The following RSBN1L variants were observed in gnomAD, a reference collection of about 807,000 sequenced individuals.
The protein encoded by RSBN1L is lysine-specific demethylase RSBN1L.
In RSBN1L, 30 loss-of-function variants were observed where a neutral mutation model predicts 67.7. The observed-to-expected ratio is 0.44, with a 90% CI of 0.33 to 0.60. The LOEUF is 0.60. Among genes scored for constraint, RSBN1L ranks in the 20% least tolerant of loss-of-function variants. RSBN1L has a pLI of 0.02. For missense variants in RSBN1L, 992 were observed against 1,031.7 expected, an observed-to-expected ratio of 0.96 and a Z score of 0.53; for synonymous variants, 433 against 387.0, an observed-to-expected ratio of 1.12 and a Z score of -1.39.
At chr7:77,720,474 G>A (rs552890768) in intron 1 of RSBN1L, among the ~76,000 whole-genome samples, 1 of 152,068 alleles carries the variant, frequency 6.6e-6, no homozygotes, top group African/African-American at 2.4e-5. Context: ...GCAGAGAATC[G>A]CTTGAACCCG....
intron 4 of RSBN1L, among the ~76,000 whole-genome samples, chr7:77,767,405 G>A (rs114278888): frequency 0.019 from 2,912 of 151,352 alleles, 80 homozygotes; most frequent in African/African-American, 0.066. Context: ...ATGGAGTCTC[G>A]CTGTGTCATC....
In RSBN1L at chr7:77,696,970, G is replaced by A. The variant is rs1305897195; in HGVS notation, c.501G>A (p.Glu167=). ...SRRPKEKREK[E]RRRHGLGGAR... ...GACCTAAGGAGAAGCGGGAGAAGGA[G>A]AGGAGGAGGCACGGTCTCGGTGGGG... The change falls in exon 1 of 8, where the codon GAG becomes GAA. Residue 167 remains glutamate (E), a synonymous_variant. Transcript: ENST00000334955. 1.9e-6 allele frequency: 3 copies of A among 1,567,318 alleles called. No homozygotes were observed. The highest frequency in any genetic ancestry group is 2.6e-6 in the Non-Finnish European group (3 of 1,164,800).
chr7:77,767,861 T>C (rs1174938543), intron 4 of RSBN1L, among the ~76,000 whole-genome samples: 1 of 86,926 alleles, frequency 1.2e-5, no homozygotes, highest in Middle Eastern at 5.1e-3. Flanking sequence ...CCCCTCCCTC[T>C]CCTTTCATTC....
At chr7:77,713,495 T>C (rs999773655) in intron 1 of RSBN1L, among the ~76,000 whole-genome samples, 1 of 151,916 alleles carries the variant, frequency 6.6e-6, no homozygotes, top group South Asian at 2.1e-4. Flanking sequence ...TAGCTGGGAC[T>C]ACAGGCGCCC....
chr7:77,758,551 C>T (rs1429718063), intron 3 of RSBN1L, among the ~76,000 whole-genome samples: 2 of 152,064 alleles, frequency 1.3e-5, no homozygotes, highest in African/African-American at 4.8e-5. Flanking sequence ...CTATAGTCAC[C>T]CTGTTGTGCA....
In RSBN1L at chr7:77,696,572, G is replaced by A. The variant is rs369849729; in HGVS notation, c.103G>A (p.Asp35Asn). ...PFGKLQLSSR[D>N]PPGSLSAKKV... Reference sequence around the variant, plus strand: ...TGGCAAGCTGCAACTCTCCTCCCGGGACCCTCCGGGTTCTCTGTCCGCCAA... The same window carrying A: ...TGGCAAGCTGCAACTCTCCTCCCGGAACCCTCCGGGTTCTCTGTCCGCCAA... The change falls in exon 1 of 8, where the codon GAC becomes AAC. Residue 35 changes from aspartate to asparagine, a missense_variant. Coordinates refer to ENST00000334955, the MANE Select transcript of RSBN1L (RefSeq NM_198467.3). 3 of 1,614,024 alleles carry A rather than the reference G, an allele frequency of 1.9e-6. No individual in the cohort carries two copies. Among genetic ancestry groups the A allele is most frequent in the Non-Finnish European group, 2.5e-6 (3 of 1,180,024 alleles).
intron 1 of RSBN1L, among the ~76,000 whole-genome samples, chr7:77,723,038 G>C (rs189402455): frequency 5.2e-4 from 78 of 150,554 alleles, no homozygotes; most frequent in Non-Finnish European, 8.6e-4. Context: ...TGCAATCTCG[G>C]CTCACCACAA....
chr7:77,751,692 T>C (rs1252217291), intron 3 of RSBN1L, among the ~76,000 whole-genome samples: 1 of 152,246 alleles, frequency 6.6e-6, no homozygotes, highest in Non-Finnish European at 1.5e-5. Flanking sequence ...CTAGTTGTTC[T>C]GAGTATTTTA....
At chr7:77,709,152 T>TTGTGTGTG (rs67322019) in intron 1 of RSBN1L, among the ~76,000 whole-genome samples, 39 of 142,460 alleles carry the variant, frequency 2.7e-4, no homozygotes, top group African/African-American at 8.7e-4. Flanking sequence ...GGGATTCTGT[T>TTGTGTGTG]TGTGTGTGTG....
At chr7:77,764,012 CAT>C (rs1051843719) in intron 3 of RSBN1L, among the ~76,000 whole-genome samples, 21 of 152,270 alleles carry the variant, frequency 1.4e-4, no homozygotes, top group South Asian at 6.2e-4. Context: ...TGTATGAAAA[CAT>C]GTGGGTTGGG....
At position 77,696,670 on chromosome 7, in the gene RSBN1L, G is replaced by A. The variant is rs1196957244; in HGVS notation, c.201G>A (p.Arg67=). 3 of 1,611,214 alleles carry A rather than the reference G, an allele frequency of 1.9e-6. No individual in the cohort carries two copies. Among genetic ancestry groups the A allele is most frequent in the Non-Finnish European group, 2.5e-6 (3 of 1,179,080 alleles). ...NGEGGSGGNS[R]QLQPPAAPSP... ...AAGGGGGCAGCGGCGGGAACAGCAG[G>A]CAGCTGCAGCCGCCGGCAGCACCTT... Residue 67 remains arginine (R), a synonymous_variant, in exon 1 of 8, where the codon AGG becomes AGA. Transcript: ENST00000334955.
intron 1 of RSBN1L, among the ~76,000 whole-genome samples, chr7:77,722,761 T>TC (rs2150416572): frequency 6.6e-6 from 1 of 151,964 alleles, no homozygotes; most frequent in African/African-American, 2.4e-5. Context: ...AGGAATAATG[T>TC]AAGAGAGGGA....
In RSBN1L at chr7:77,749,775, A is replaced by C; in HGVS notation, c.1055A>C (p.Glu352Ala). The change falls in exon 3 of 8, where the codon GAG (glutamate) becomes GCG (alanine). Residue 352 changes from glutamate to alanine, a missense_variant. Glu to Ala is a moderately radical substitution (Grantham distance 107, BLOSUM62 -1). Coordinates refer to ENST00000334955, the MANE Select transcript of RSBN1L (RefSeq NM_198467.3). ...TLEFKQLIHI[E>A]HQPNGGASVI... Reference sequence around the variant, plus strand: ...GAATTTAAACAACTCATTCATATAGAGCACCAGCCTAATGGAGGTGCATCG... The same window carrying C: ...GAATTTAAACAACTCATTCATATAGCGCACCAGCCTAATGGAGGTGCATCG... 6.2e-7 allele frequency: 1 copy of C among 1,614,202 alleles called. No individual in the cohort carries two copies. Among genetic ancestry groups the C allele is most frequent in the Non-Finnish European group, 8.5e-7 (1 of 1,180,030 alleles).
rs1554338354 is a variant in RSBN1L at position 77,725,243 on chromosome 7, A to AATTTTTTTTTT, written c.587-11167_587-11166insATTTTTTTTTT. Among the ~76,000 whole-genome samples the AATTTTTTTTTT allele has an allele frequency of 3.6e-4, 21 of 57,884 alleles. 1 individual carries two copies. The highest frequency in any genetic ancestry group is 1.8e-3 in the African/African-American group (20 of 11,306). 38.0% of individuals were successfully genotyped at this position (57,884 alleles called of 152,430 possible). On this transcript the variant is annotated intron_variant, in intron 1 of 7. Coordinates refer to ENST00000334955, the MANE Select transcript of RSBN1L (RefSeq NM_198467.3). The stretch of plus-strand genomic sequence containing the variant: ...TTTCTTCCCTAGGGATAAGCCCCCC[A>AATTTTTTTTTT]CTTTTTTTTTTTTTTTTTTTTTGAG...
At chr7:77,725,265 T>TTTTTTTTTTTTTA (rs1791184148) in intron 1 of RSBN1L, among the ~76,000 whole-genome samples, 1 of 141,540 alleles carries the variant, frequency 7.1e-6, no homozygotes, top group African/African-American at 2.7e-5. Flanking sequence ...TTTTTTTTTT[T>TTTTTTTTTTTTTA]GAGATGGAAT....
At chr7:77,764,285 G>A (rs1562808293) in intron 3 of RSBN1L, among the ~76,000 whole-genome samples, 1 of 152,164 alleles carries the variant, frequency 6.6e-6, no homozygotes, top group Non-Finnish European at 1.5e-5. Flanking sequence ...TTATCAAAAC[G>A]AGTTGTTTCG....
At chr7:77,763,776 T>C (rs1791726966) in intron 3 of RSBN1L, among the ~76,000 whole-genome samples, 1 of 152,346 alleles carries the variant, frequency 6.6e-6, no homozygotes. Flanking sequence ...CACTGCAGCC[T>C]GGACCTGCCA....
At chr7:77,698,156 A>C (rs543948836) in intron 1 of RSBN1L, among the ~76,000 whole-genome samples, 2 of 152,230 alleles carry the variant, frequency 1.3e-5, no homozygotes, top group Non-Finnish European at 1.5e-5. Flanking sequence ...AACATGCTGC[A>C]TGTGCATGTA....
rs377487793 is a variant in RSBN1L, at chr7:77,739,533, T to G, written c.703+3007T>G. 6.6e-3 allele frequency among the ~76,000 whole-genome samples: 998 copies of G among 151,320 alleles called. 14 individuals carry two copies. The highest frequency in any genetic ancestry group is 0.023 in the African/African-American group (934 of 41,294). On this transcript the variant is annotated intron_variant, in intron 2 of 7. Coordinates refer to ENST00000334955, the MANE Select transcript of RSBN1L (RefSeq NM_198467.3). ...TTTGAGACCAGCTTGGCCAACCTGGTGAAACCCCATCTCTACTAAAAATAG... is the reference window on the plus strand; with the variant it reads ...TTTGAGACCAGCTTGGCCAACCTGGGGAAACCCCATCTCTACTAAAAATAG...
Sources: allele counts gnomAD v4.1 joint callset (sites outside exome capture counted in the v4.1 genomes callset), GRCh38; gene constraint gnomAD v4.1.1; transcripts MANE v1.5; gene names NCBI Gene and HGNC (gene_info 2026-07-23, HGNC 2026-07-21).